The following EYS variants were observed in gnomAD, a reference collection of about 807,000 sequenced individuals.
EYS encodes the protein EGF-like photoreceptor maintenance factor.
Under a neutral mutation model 282.1 loss-of-function variants are expected in EYS, and 250 were observed. The ratio of observed to expected loss-of-function variants is 0.89; its 90% CI spans 0.80 to 0.98. EYS has a LOEUF of 0.98. Among genes scored for constraint, EYS ranks in the 50% least tolerant of loss-of-function variants. The pLI is 0.00. For missense variants in EYS, 4,016 were observed against 3,709.0 expected (o/e 1.08, Z -2.15); for synonymous variants, 1,355 against 1,282.9 (o/e 1.06, Z -1.20).
intron 9 of EYS, among the ~76,000 whole-genome samples, chr6:65,349,961 G>C (rs2150324486): frequency 6.6e-6 from 1 of 151,336 alleles, no homozygotes; most frequent in East Asian, 1.9e-4. Flanking sequence ...ATTCTTGTTT[G>C]TAAGAAATAT....
rs750420566 is a variant in EYS, at chr6:64,908,280, C to T, written c.2641+4204G>A. ...AACAGGAGCAAGCTCCACACGGGCC[C>T]CCAGCCTGACCAGGTGTGTTGCCTT... On this transcript the variant is annotated intron_variant, in intron 16 of 42. Coordinates refer to ENST00000503581, the MANE Select transcript of EYS (RefSeq NM_001142800.2). Among the ~76,000 whole-genome samples the T allele has an allele frequency of 1.7e-4, 26 of 152,246 alleles. No individual in the cohort carries two copies. In the South Asian group the frequency reaches 2.9e-3, roughly 17 times the overall value.
intron 33 of EYS, among the ~76,000 whole-genome samples, chr6:64,029,824 G>T (rs1769732411): frequency 6.6e-6 from 1 of 152,174 alleles, no homozygotes; most frequent in Admixed American, 6.5e-5. Context: ...CTGGGAAAGG[G>T]AAAAAGAATA....
chr6:64,275,892 G>T (rs1257112909), intron 30 of EYS, among the ~76,000 whole-genome samples: 1 of 151,822 alleles, frequency 6.6e-6, no homozygotes, highest in Admixed American at 6.6e-5. Flanking sequence ...TTGACTCCAG[G>T]GGGCAGAGGT....
At chr6:63,940,311 A>G (rs1373491633) in intron 35 of EYS, among the ~76,000 whole-genome samples, 5 of 151,672 alleles carry the variant, frequency 3.3e-5, no homozygotes, top group Admixed American at 3.3e-4. Context: ...ACATAAAACC[A>G]TTGTTAAAAA....
At chr6:64,512,627 G>GA (rs1777445059) in intron 26 of EYS, among the ~76,000 whole-genome samples, 6 of 143,878 alleles carry the variant, frequency 4.2e-5, no homozygotes, top group African/African-American at 1.7e-4. Flanking sequence ...GAGGAAAGTG[G>GA]GAAAAAAAGG....
intron 13 of EYS, among the ~76,000 whole-genome samples, chr6:65,028,350 T>A (rs1186911151): frequency 6.6e-6 from 1 of 151,832 alleles, no homozygotes; most frequent in Non-Finnish European, 1.5e-5. Flanking sequence ...CATATATAAT[T>A]CTTTTTGTGA....
chr6:64,159,175 TTAAA>T (rs1775023542), intron 31 of EYS, among the ~76,000 whole-genome samples: 1 of 152,144 alleles, frequency 6.6e-6, no homozygotes, highest in Admixed American at 6.5e-5. Context: ...CCCATATACA[TTAAA>T]TAATCTCCAG....
At chr6:64,592,534 T>C (rs1049763246) in intron 25 of EYS, among the ~76,000 whole-genome samples, 28 of 152,152 alleles carry the variant, frequency 1.8e-4, no homozygotes, top group African/African-American at 6.8e-4. Flanking sequence ...AATTCCTTGC[T>C]AAGGGCTACA....
rs577256678 is a variant in EYS at position 64,052,726 on chromosome 6, G to T, written c.6725+13612C>A. ...CAGGTGGAGGTAATTGAATCATGGC[G>T]GTGGTTTCTCCCATGTTGTTCTCTG... On this transcript the variant is annotated intron_variant, in intron 33 of 42. Transcript: ENST00000503581. Among the ~76,000 whole-genome samples, 63 of 152,174 alleles carry T rather than the reference G, an allele frequency of 4.1e-4. 1 individual carries two copies. In the South Asian group the frequency reaches 0.012, roughly 29 times the overall value.
At chr6:64,264,796 C>G (rs1192791038) in intron 30 of EYS, among the ~76,000 whole-genome samples, 1 of 151,888 alleles carries the variant, frequency 6.6e-6, no homozygotes, top group Non-Finnish European at 1.5e-5. Context: ...CTCGTCTATT[C>G]AAGAGGCTGA....
rs570393343 is a variant in EYS at position 64,310,025 on chromosome 6, A to G, written c.6079-2943T>C. Among the ~76,000 whole-genome samples, 25 of 151,268 alleles carry G rather than the reference A, an allele frequency of 1.7e-4. No individual in the cohort carries two copies. The South Asian group carries it at 2.5e-3, about 15-fold the overall frequency. On this transcript the variant is annotated intron_variant, in intron 29 of 42. Transcript: ENST00000503581. ...CAAATCAAAACCACAATGAGATACC[A>G]TCTCACACCAGTCCAAATGGCTATT...
chr6:65,607,083 T>C (rs985877836), intron 2 of EYS, among the ~76,000 whole-genome samples: 1 of 151,826 alleles, frequency 6.6e-6, no homozygotes, highest in African/African-American at 2.4e-5. Context: ...TTAGATATTG[T>C]GATAATTTCT....
At chr6:65,440,448 A>G (rs528846327) in intron 5 of EYS, among the ~76,000 whole-genome samples, 1 of 152,058 alleles carries the variant, frequency 6.6e-6, no homozygotes, top group Non-Finnish European at 1.5e-5. Context: ...TACATTTTCT[A>G]AATTTTATGA....
chr6:65,129,392 A>G (rs2150201444), intron 12 of EYS, among the ~76,000 whole-genome samples: 1 of 152,156 alleles, frequency 6.6e-6, no homozygotes, highest in South Asian at 2.1e-4. Context: ...CAACCTACAG[A>G]ATGGGGAAAA....
At chr6:63,858,660 C>G (rs943375514) in intron 36 of EYS, among the ~76,000 whole-genome samples, 1 of 152,062 alleles carries the variant, frequency 6.6e-6, no homozygotes, top group African/African-American at 2.4e-5. Flanking sequence ...TGGGATTAGG[C>G]TTGACCTTTT....
chr6:65,443,051 A>G (rs1768433672), intron 5 of EYS, among the ~76,000 whole-genome samples: 1 of 151,144 alleles, frequency 6.6e-6, no homozygotes, highest in South Asian at 2.1e-4. Context: ...GACATACGGG[A>G]GCATGCATAT....
At chr6:65,098,909 A>T (rs1257338767) in intron 12 of EYS, among the ~76,000 whole-genome samples, 2 of 150,794 alleles carry the variant, frequency 1.3e-5, no homozygotes, top group African/African-American at 4.8e-5. Context: ...AAAAAATAAT[A>T]ACAATTTTTT....
intron 26 of EYS, among the ~76,000 whole-genome samples, chr6:64,509,417 C>A (rs1227462239): frequency 6.6e-6 from 1 of 152,136 alleles, no homozygotes; most frequent in Non-Finnish European, 1.5e-5. Flanking sequence ...ACCTACTCCA[C>A]CACTGCTTCT....
chr6:64,896,998 C>T lies in EYS; in HGVS notation c.2846+5115G>A, dbSNP rs1365427890. ...AAACTCCCATCTCCCTGGGACAGAG[C>T]ACCTGAGGGAAGGGGCGGCTGTTGG... is the stretch of plus-strand genomic sequence containing the variant. On this transcript the variant is annotated intron_variant, in intron 18 of 42. Transcript: ENST00000503581. Among the ~76,000 whole-genome samples the T allele has an allele frequency of 2.0e-5, 3 of 152,172 alleles. No homozygotes were observed. The East Asian group carries it at 5.8e-4, about 29-fold the overall frequency.
Sources: gnomAD v4.1 joint callset for allele counts (sites outside exome capture counted in the v4.1 genomes callset) on GRCh38, gnomAD v4.1.1 for gene constraint, MANE v1.5 for transcripts, NCBI Gene and HGNC (gene_info 2026-07-23, HGNC 2026-07-21) for gene names.